Variants in GALNT18 observed in about 807,000 individuals in gnomAD.
The protein encoded by GALNT18 is polypeptide N-acetylgalactosaminyltransferase 18.
GALNT18 carries 44 observed loss-of-function variants against 69.5 expected under a neutral mutation model. The ratio of observed to expected loss-of-function variants is 0.63; its 90% CI spans 0.50 to 0.81. GALNT18 has a LOEUF of 0.81. GALNT18 is among the 40% of genes least tolerant of loss of function. The pLI is 0.00. For missense variants in GALNT18, 715 were observed against 810.0 expected (o/e 0.88, Z 1.42); for synonymous variants, 364 against 318.2 (o/e 1.14, Z -1.53).
At position 11,505,995 on chromosome 11, in the gene GALNT18, T is replaced by C. The variant is rs1263896630; in HGVS notation, c.236-57059A>G. 6.6e-6 allele frequency among the ~76,000 whole-genome samples: 1 copy of C among 152,156 alleles called. No individual in the cohort carries two copies. Among genetic ancestry groups the C allele is most frequent in the Non-Finnish European group, 1.5e-5 (1 of 68,030 alleles). On this transcript the variant is annotated intron_variant, in intron 1 of 10. Coordinates refer to ENST00000227756, the MANE Select transcript of GALNT18 (RefSeq NM_198516.3). The surrounding 1 kb of genome is among the most constrained non-coding windows in gnomAD (Gnocchi z 4.6). ...TCAGCTCAGCTTTCAGGGACAAAATTATGTATTATTGAGGTTTCCTGCAGT... is the reference window on the plus strand; with the variant it reads ...TCAGCTCAGCTTTCAGGGACAAAATCATGTATTATTGAGGTTTCCTGCAGT...
At chr11:11,442,908 C>T (rs1237902863) in intron 2 of GALNT18, among the ~76,000 whole-genome samples, 1 of 152,196 alleles carries the variant, frequency 6.6e-6, no homozygotes, top group Non-Finnish European at 1.5e-5. Flanking sequence ...GGCTCAGGAG[C>T]CTCTGAAGAT....
In GALNT18 at chr11:11,600,735, C is replaced by A. The variant is rs573110668; in HGVS notation, c.235+20624G>T. 7.9e-5 allele frequency among the ~76,000 whole-genome samples: 12 copies of A among 152,028 alleles called. No homozygotes were observed. The highest frequency in any genetic ancestry group is 1.6e-4 in the Non-Finnish European group (11 of 67,944). ...TATTTCTTCATATATTTTTTGGCTT[C>A]TTTCTTCTTTCATTCAAGTATTCCC... On this transcript the variant is annotated intron_variant, in intron 1 of 10. Coordinates refer to ENST00000227756, the MANE Select transcript of GALNT18 (RefSeq NM_198516.3). This position sits in a 1 kb window ranked among gnomAD's most constrained non-coding sequence, Gnocchi z 4.8.
intron 1 of GALNT18, among the ~76,000 whole-genome samples, chr11:11,491,014 T>C (rs566268574): frequency 5.9e-5 from 9 of 152,252 alleles, no homozygotes; most frequent in South Asian, 4.1e-4. Context: ...GGGTGTGCAC[T>C]GAAGCAGAGT....
chr11:11,377,362 G>A lies in GALNT18; in HGVS notation c.797C>T (p.Thr266Ile). The A allele has an allele frequency of 6.2e-7, 1 of 1,613,762 alleles. No individual in the cohort carries two copies. Among genetic ancestry groups the A allele is most frequent in the Non-Finnish European group, 8.5e-7 (1 of 1,179,978 alleles). ...FNVGWAEPVL[T>I]RIKENRKRII... The stretch of plus-strand genomic sequence containing the variant: ...CCGCTTCCGGTTCTCCTTGATGCGG[G>A]TGAGTACAGGTTCAGCCCTGGGCAG... The change falls in exon 5 of 11, where the codon ACC (threonine) becomes ATC (isoleucine). Residue 266 changes from threonine to isoleucine, a missense_variant. Coordinates refer to ENST00000227756, the MANE Select transcript of GALNT18 (RefSeq NM_198516.3). This position sits in a 1 kb window ranked among gnomAD's most constrained non-coding sequence, Gnocchi z 4.6.
chr11:11,284,187 C>T (rs894270302), intron 10 of GALNT18, among the ~76,000 whole-genome samples: 1 of 152,234 alleles, frequency 6.6e-6, no homozygotes, highest in Non-Finnish European at 1.5e-5. Flanking sequence ...GTCCATGAGT[C>T]TCTTGGGCAC....
In GALNT18 at chr11:11,391,219, C is replaced by T. The variant is rs745337044; in HGVS notation, c.596-11955G>A. 1.1e-4 allele frequency among the ~76,000 whole-genome samples: 16 copies of T among 152,352 alleles called. 1 individual carries two copies. The highest frequency in any genetic ancestry group is 2.1e-4 in the South Asian group (1 of 4,832). ...GATTCAATTTCCAACCCCTTCCCAT[C>T]TCAACCTGCATCTATTTATTTAACA... On this transcript the variant is annotated intron_variant, in intron 3 of 10. Coordinates refer to ENST00000227756, the MANE Select transcript of GALNT18 (RefSeq NM_198516.3).
chr11:11,556,870 A>G (rs1460075048), intron 1 of GALNT18, among the ~76,000 whole-genome samples: 4 of 152,222 alleles, frequency 2.6e-5, no homozygotes, highest in Non-Finnish European at 5.9e-5. Flanking sequence ...CATTTTTTAA[A>G]GGTGTACAGA....
rs556834082 is a variant in GALNT18, at chr11:11,465,998, G to C, written c.236-17062C>G. The stretch of plus-strand genomic sequence containing the variant: ...CCACAGGAGGCATCCATCCAGACCA[G>C]TGCTTCTCAGCTCTTCTCAATCATA... On this transcript the variant is annotated intron_variant, in intron 1 of 10. Transcript: ENST00000227756. The surrounding 1 kb of genome is among the most constrained non-coding windows in gnomAD (Gnocchi z 5.7). 9.9e-5 allele frequency among the ~76,000 whole-genome samples: 15 copies of C among 152,266 alleles called. No homozygotes were observed. Among genetic ancestry groups the C allele is most frequent in the African/African-American group, 3.6e-4 (15 of 41,552 alleles).
chr11:11,486,679 T>C (rs1250050118), intron 1 of GALNT18, among the ~76,000 whole-genome samples: 1 of 152,240 alleles, frequency 6.6e-6, no homozygotes, highest in African/African-American at 2.4e-5. Context: ...TCCCTGCCTT[T>C]TCTCTGACTT....
chr11:11,305,485 G>A (rs1362839764), intron 9 of GALNT18, among the ~76,000 whole-genome samples: 1 of 152,160 alleles, frequency 6.6e-6, no homozygotes, highest in Non-Finnish European at 1.5e-5. Context: ...ATATACCAAT[G>A]AGACTTGATC....
chr11:11,448,857 G>A lies in GALNT18; in HGVS notation c.315C>T (p.Leu105=), dbSNP rs772428386. ...SSLFAHWGQE[L]SPEGRRVALK... is the part of the protein sequence containing the mutation. ...GGGCCACGCGCCGGCCTTCGGGGCT[G>A]AGCTCCTGGCCCCAGTGTGCAAACA... The change falls in exon 2 of 11, where the codon CTC becomes CTT. Residue 105 remains leucine, a synonymous_variant. Transcript: ENST00000227756. The A allele has an allele frequency of 6.2e-7, 1 of 1,610,092 alleles. No homozygotes were observed. Among genetic ancestry groups the A allele is most frequent in the South Asian group, 1.1e-5 (1 of 90,264 alleles).
chr11:11,340,083 A>T lies in GALNT18; in HGVS notation c.1278+736T>A, dbSNP rs1467442283. 1.1e-5 allele frequency among the ~76,000 whole-genome samples: 1 copy of T among 92,252 alleles called. No individual in the cohort carries two copies. Among genetic ancestry groups the T allele is most frequent in the Non-Finnish European group, 2.2e-5 (1 of 44,616 alleles). 60.5% of individuals were successfully genotyped at this position (92,252 alleles called of 152,430 possible). A position where few individuals can be genotyped will look rare whatever the true frequency, so the allele number is the denominator to read the frequency against. ...CAGACAGGCTGGTAAGTGGGTTGGA[A>T]TCATGTGGCTGGCATCTCTCAGTAG... is the stretch of plus-strand genomic sequence containing the variant. On this transcript the variant is annotated intron_variant, in intron 7 of 10. Transcript: ENST00000227756. This position sits in a 1 kb window ranked among gnomAD's most constrained non-coding sequence, Gnocchi z 4.2.
chr11:11,594,826 TATATATATATATATACAC>T (rs1284257824), intron 1 of GALNT18, among the ~76,000 whole-genome samples: 8 of 28,874 alleles, frequency 2.8e-4, no homozygotes, highest in African/African-American at 5.2e-4. Context: ...CATATATATA[TATATATATATATATACAC>T]ATATACATAC....
intron 2 of GALNT18, among the ~76,000 whole-genome samples, chr11:11,447,364 T>A (rs1004186980): frequency 6.6e-6 from 1 of 152,204 alleles, no homozygotes; most frequent in Non-Finnish European, 1.5e-5. Flanking sequence ...TCTCTCCGAC[T>A]TTATATTTCT....
At chr11:11,410,146 T>C (rs1854694731) in intron 3 of GALNT18, among the ~76,000 whole-genome samples, 1 of 152,142 alleles carries the variant, frequency 6.6e-6, no homozygotes, top group African/African-American at 2.4e-5. Context: ...TCCCAGCCTC[T>C]CCCTGTCAAG....
intron 9 of GALNT18, among the ~76,000 whole-genome samples, chr11:11,301,290 C>G (rs1331545272): frequency 6.6e-6 from 1 of 152,164 alleles, no homozygotes; most frequent in Admixed American, 6.5e-5. Flanking sequence ...CTTTGACATC[C>G]AGAATGTGTA....
rs114150899 is a variant in GALNT18, at chr11:11,331,485, C to T, written c.1416+1209G>A. 1.5e-3 allele frequency among the ~76,000 whole-genome samples: 225 copies of T among 152,270 alleles called. 2 individuals carry two copies. Among genetic ancestry groups the T allele is most frequent in the African/African-American group, 4.8e-3 (200 of 41,570 alleles). On this transcript the variant is annotated intron_variant, in intron 8 of 10. Transcript: ENST00000227756. ...GCCCAATTTCTCAGCAGATTCTTCC[C>T]GCTTATAGGCAATTGTCCTGTTCAC...
In GALNT18 at chr11:11,377,435, A is replaced by C; in HGVS notation, c.780-56T>G. The stretch of plus-strand genomic sequence containing the variant: ...AACCATTTCCAAGGTGGAAAAATCC[A>C]GAGTAGCATCTCCTGAAGGTCCTTC... On this transcript the variant is annotated intron_variant, in intron 4 of 10. Coordinates refer to ENST00000227756, the MANE Select transcript of GALNT18 (RefSeq NM_198516.3). The surrounding 1 kb of genome is among the most constrained non-coding windows in gnomAD (Gnocchi z 4.6). 3.9e-6 allele frequency: 6 copies of C among 1,519,334 alleles called. No individual in the cohort carries two copies. Among genetic ancestry groups the C allele is most frequent in the Non-Finnish European group, 4.6e-6 (5 of 1,096,556 alleles). 94.1% of individuals were successfully genotyped at this position (1,519,334 alleles called of 1,614,324 possible). A position where few individuals can be genotyped will look rare whatever the true frequency, so the allele number is the denominator to read the frequency against.
chr11:11,286,589 C>T (rs551857899), intron 10 of GALNT18, among the ~76,000 whole-genome samples: 1 of 152,182 alleles, frequency 6.6e-6, no homozygotes, highest in East Asian at 1.9e-4. Flanking sequence ...AGCTCAAGAC[C>T]TTGCACACAG....
Sources: gnomAD v4.1 joint callset for allele counts (sites outside exome capture counted in the v4.1 genomes callset) on GRCh38, gnomAD v4.1.1 for gene constraint, Gnocchi (gnomAD v3.1) non-coding constraint, MANE v1.5 for transcripts, NCBI Gene and HGNC (gene_info 2026-07-23, HGNC 2026-07-21) for gene names.